IDUA: variants seen among roughly 807,000 people sequenced by gnomAD.
The protein encoded by IDUA is alpha-L-iduronidase.
Under a neutral mutation model 68.9 loss-of-function variants are expected in IDUA, and 65 were observed. The ratio of observed to expected loss-of-function variants is 0.94; its 90% confidence interval spans 0.77 to 1.16. IDUA has a LOEUF of 1.16. Among genes scored for constraint, IDUA ranks in the 50% most tolerant of loss-of-function variants. The pLI is 0.00. For missense variants in IDUA, 1,046 were observed against 938.0 expected, an observed-to-expected ratio of 1.12 and a Z score of -1.50; for synonymous variants, 529 against 433.6, an observed-to-expected ratio of 1.22 and a Z score of -2.73.
chr4:989,981 C>T, intron 2 of IDUA: 1 of 1,558,936 alleles, frequency 6.4e-7, no homozygotes, highest in Non-Finnish European at 8.7e-7. Context: ...ATGTCGCCAG[C>T]CACGCTCGAG....
At position 1,004,137 on chromosome 4, in the gene IDUA, G is replaced by C. The variant is rs1241735554; in HGVS notation, c.1828+25G>C. Reference sequence around the variant, plus strand: ...GGTGCGCCCACCACCCGCTGCCCTGGACTCGGCCACCCCATTCTTGGGCCT... The same window carrying C: ...GGTGCGCCCACCACCCGCTGCCCTGCACTCGGCCACCCCATTCTTGGGCCT... On this transcript the variant is annotated intron_variant, in intron 13 of 13. Coordinates refer to ENST00000514224, the MANE Select transcript of IDUA (RefSeq NM_000203.5). This position sits in a 1 kb window ranked among gnomAD's most constrained non-coding sequence, Gnocchi z 5.0. The C allele has an allele frequency of 1.2e-6, 2 of 1,612,110 alleles. No homozygotes were observed. The highest frequency in any genetic ancestry group is 1.7e-6 in the Non-Finnish European group (2 of 1,179,300).
chr4:989,157 G>T (rs1714001795), intron 2 of IDUA: 2 of 1,607,474 alleles, frequency 1.2e-6, no homozygotes, highest in Non-Finnish European at 1.7e-6. Flanking sequence ...TGCTAACCGG[G>T]CCCAGGTCCT....
In IDUA at chr4:1,003,095, C is replaced by A. The variant is rs868460406; in HGVS notation, c.1462C>A (p.Arg488=). 3.8e-5 allele frequency: 57 copies of A among 1,519,148 alleles called. No individual in the cohort carries two copies. The highest frequency in any genetic ancestry group is 7.2e-5 in the African/African-American group (5 of 69,898). The allele number at this position is 1,519,148 out of a possible 1,614,324, so 94.1% of individuals were successfully genotyped here. The part of the protein sequence containing the change: ...NGLCSPDGEW[R]RLGRPVFPTA... ...GCTCTGCAGCCCCGACGGCGAGTGG[C>A]GGCGCCTGGGCCGGCCCGTCTTCCC... The change falls in exon 10 of 14, where the codon CGG becomes AGG. Residue 488 remains arginine, a synonymous_variant. Transcript: ENST00000514224.
intron 4 of IDUA, chr4:1,001,267 C>T (rs76233887): frequency 9.1e-6 from 4 of 438,338 alleles, no homozygotes; most frequent in East Asian, 3.1e-5. Context: ...TCACCCAGGC[C>T]GCACCCCTAT....
Position 988,991 on chromosome 4 carries a change from TGCAGCAGGCTA to T in IDUA, c.299+1053_299+1063del, listed in dbSNP as rs752630392. 7.7e-5 allele frequency: 122 copies of T among 1,593,012 alleles called. No homozygotes were observed. Among genetic ancestry groups the T allele is most frequent in the East Asian group, 2.5e-4 (11 of 43,626 alleles). ...CTCAGAATGTCTCTCACAGGCGGGC[TGCAGCAGGCTA>T]GCAGCAGGCTGATGCCCAGGGCCCC... On this transcript the variant is annotated intron_variant, in intron 2 of 13. Transcript: ENST00000514224.
At chr4:1,000,843 G>C (rs1249359152) in intron 3 of IDUA, 39 bp from the exon 4 acceptor site, 2 of 1,554,924 alleles carry the variant, frequency 1.3e-6, no homozygotes, top group Admixed American at 3.3e-5. Context: ...CATGGGTGTG[G>C]TGTGTGGTGG....
intron 2 of IDUA, among the ~76,000 whole-genome samples, chr4:997,782 C>T (rs1398243637): frequency 1.3e-5 from 2 of 152,038 alleles, no homozygotes; most frequent in Admixed American, 6.5e-5. Flanking sequence ...GTGGACTGAC[C>T]CCGGGGTTCC....
chr4:999,161 C>T (rs933804842), intron 2 of IDUA, among the ~76,000 whole-genome samples: 23 of 151,156 alleles, frequency 1.5e-4, no homozygotes, highest in East Asian at 1.9e-4. Flanking sequence ...GCCGAGATCG[C>T]GCCACTGCAC....
At chr4:1,001,950 C>A in intron 6 of IDUA, 32 bp from the exon 7 acceptor site, 1 of 1,573,626 alleles carries the variant, frequency 6.4e-7, no homozygotes. Context: ...GCCGCGCTGA[C>A]CCTGGTGGTG....
chr4:1,003,081 C>A lies in IDUA; in HGVS notation c.1448C>A (p.Pro483His). The change falls in exon 10 of 14, where the codon CCC (proline) becomes CAC (histidine). Residue 483 changes from proline (P) to histidine (H), a missense_variant. Pro to His is a moderately conservative substitution (Grantham distance 77). Transcript: ENST00000514224. ...TACCTGGACAACGGGCTCTGCAGCC[C>A]CGACGGCGAGTGGCGGCGCCTGGGC... ...TRYLDNGLCS[P>H]DGEWRRLGRP... The A allele has an allele frequency of 1.3e-6, 2 of 1,522,266 alleles. No homozygotes were observed. Among genetic ancestry groups the A allele is most frequent in the South Asian group, 2.4e-5 (2 of 82,112 alleles). 94.3% of individuals were successfully genotyped at this position (1,522,266 alleles called of 1,614,324 possible). A position where few individuals can be genotyped will look rare whatever the true frequency, so the allele number is the denominator to read the frequency against.
intron 12 of IDUA, 135 bp downstream of exon 12, chr4:1,003,760 C>T (rs982066034): frequency 2.2e-5 from 22 of 1,019,296 alleles, no homozygotes; most frequent in Non-Finnish European, 3.1e-5. Context: ...TGCGTCCCTG[C>T]CCTTCACCCC....
intron 2 of IDUA, chr4:988,833 C>A (rs1338512252): frequency 6.3e-7 from 1 of 1,587,904 alleles, no homozygotes; most frequent in Non-Finnish European, 8.6e-7. Flanking sequence ...CCTGGCCCTG[C>A]TACAGATGGG....
intron 2 of IDUA, among the ~76,000 whole-genome samples, chr4:997,945 C>T (rs1422563665): frequency 6.6e-6 from 1 of 152,364 alleles, no homozygotes; most frequent in African/African-American, 2.4e-5. Context: ...GGGCTATCGC[C>T]TTGGGGTTCT....
intron 2 of IDUA, chr4:989,085 C>A (rs748205966): frequency 6.3e-7 from 1 of 1,596,900 alleles, no homozygotes; most frequent in Non-Finnish European, 8.5e-7. Context: ...GGAACAGCAG[C>A]GGGGCGCAGT....
At position 996,151 on chromosome 4, in the gene IDUA, C is replaced by T. The variant is rs551166075; in HGVS notation, c.300-4461C>T. The stretch of plus-strand genomic sequence containing the variant: ...CTTCCACCCCAGCCCAACCTGGGCC[C>T]CAGTGGTCCCTGGGAAGCAGCTGTT... On this transcript the variant is annotated intron_variant, in intron 2 of 13. Transcript: ENST00000514224. 1.9e-4 allele frequency among the ~76,000 whole-genome samples: 29 copies of T among 152,374 alleles called. No homozygotes were observed. In the South Asian group the frequency reaches 4.4e-3, roughly 23 times the overall value.
rs116990200 is a variant in IDUA, at chr4:993,770, C to T, written c.299+5821C>T. Among the ~76,000 whole-genome samples, 17 of 152,350 alleles carry T rather than the reference C, an allele frequency of 1.1e-4. No individual in the cohort carries two copies. In the East Asian group the frequency reaches 1.9e-3, roughly 17 times the overall value. ...GGGAGGCTTGGTCTCCGTGTCCAGT[C>T]GCCGGACACCCTCCTGGTCCTGCAA... On this transcript the variant is annotated intron_variant, in intron 2 of 13. Transcript: ENST00000514224.
In IDUA at chr4:1,003,552, A is replaced by G; in HGVS notation, c.1654A>G (p.Thr552Ala). The change falls in exon 12 of 14, where the codon ACG (threonine) becomes GCG (alanine). Residue 552 changes from threonine to alanine, a missense_variant. Thr to Ala is a moderately conservative substitution (Grantham distance 58). Transcript: ENST00000514224. ...TCACAGCCCTTCCCTCCCCCAGGTCACGCGGCTCCGCGCCCTGCCCCTGAC... is the reference window on the plus strand; with the variant it reads ...TCACAGCCCTTCCCTCCCCCAGGTCGCGCGGCTCCGCGCCCTGCCCCTGAC... ...ARPEKPPGQV[T>A]RLRALPLTQG... The G allele has an allele frequency of 6.2e-7, 1 of 1,611,592 alleles. No individual in the cohort carries two copies.
rs762621113 is a variant in IDUA at position 1,002,349 on chromosome 4, C to T, written c.1053C>T (p.Ala351=). 18 of 1,613,142 alleles carry T rather than the reference C, an allele frequency of 1.1e-5. No individual in the cohort carries two copies. In the South Asian group the frequency reaches 1.2e-4, roughly 11 times the overall value. The change falls in exon 8 of 14, where the codon GCC becomes GCT. Residue 351 remains alanine, a synonymous_variant. Coordinates refer to ENST00000514224, the MANE Select transcript of IDUA (RefSeq NM_000203.5). The part of the protein sequence containing the change: ...FPYALLSNDN[A]FLSYHPHPFA... ...ACGCGCTCCTGAGCAACGACAATGC[C>T]TTCCTGAGCTACCACCCGCACCCCT...
At chr4:1,000,574 G>A in intron 2 of IDUA, 38 bp from the exon 3 acceptor site, 1 of 1,508,632 alleles carries the variant, frequency 6.6e-7, no homozygotes, top group East Asian at 2.3e-5. Flanking sequence ...GGAGCTGTGT[G>A]GGCACCCTGC....
Sources: allele counts gnomAD v4.1 joint callset (sites outside exome capture counted in the v4.1 genomes callset), GRCh38; gene constraint gnomAD v4.1.1; non-coding constraint Gnocchi (gnomAD v3.1); transcripts MANE v1.5; gene names NCBI Gene and HGNC (gene_info 2026-07-23, HGNC 2026-07-21).